Variants in GABRB1 observed in about 807,000 individuals in gnomAD.
The protein encoded by GABRB1 is gamma-aminobutyric acid receptor subunit beta-1.
In GABRB1, 17 loss-of-function variants were observed where a neutral mutation model predicts 51.6. The ratio of observed to expected loss-of-function variants is 0.33; its 90% CI spans 0.23 to 0.49. The LOEUF is 0.49. Among genes scored for constraint, GABRB1 ranks in the 20% least tolerant of loss-of-function variants. The probability of loss-of-function intolerance (pLI) is 0.99; values close to 1 mark genes in which losing one functional copy is unlikely to be tolerated. For synonymous variants in GABRB1, 247 were observed against 218.9 expected (o/e 1.13, Z -1.14); for missense variants, 410 against 600.6 (o/e 0.68, Z 3.32).
intron 4 of GABRB1, among the ~76,000 whole-genome samples, chr4:47,241,920 A>T (rs1258439242): frequency 6.6e-6 from 1 of 151,800 alleles, no homozygotes; most frequent in Non-Finnish European, 1.5e-5. Flanking sequence ...AAGTTCTAGG[A>T]TACATGTGCA....
intron 3 of GABRB1, among the ~76,000 whole-genome samples, chr4:47,077,903 TTTATATATA>T (rs1189386847): frequency 7.2e-6 from 1 of 138,040 alleles, no homozygotes; most frequent in Non-Finnish European, 1.5e-5. Context: ...TTATATGTAT[TTTATATATA>T]TTATATATTT....
chr4:47,255,621 T>A (rs1722169186), intron 4 of GABRB1, among the ~76,000 whole-genome samples: 1 of 152,214 alleles, frequency 6.6e-6, no homozygotes, highest in Non-Finnish European at 1.5e-5. Flanking sequence ...AGGGTGATGA[T>A]CGTGACCTAA....
chr4:47,056,676 G>A (rs1317472315), intron 3 of GABRB1, among the ~76,000 whole-genome samples: 2 of 151,820 alleles, frequency 1.3e-5, no homozygotes, highest in Non-Finnish European at 2.9e-5. Context: ...ACTCACAGAA[G>A]GGCTACAAAA....
chr4:47,349,352 A>G (rs1200526662), intron 5 of GABRB1, among the ~76,000 whole-genome samples: 1 of 152,174 alleles, frequency 6.6e-6, no homozygotes, highest in Non-Finnish European at 1.5e-5. Context: ...AGCCAGAGAA[A>G]TGGGAGGAAA....
chr4:47,042,872 C>T (rs1161436120), intron 3 of GABRB1, among the ~76,000 whole-genome samples: 1 of 151,882 alleles, frequency 6.6e-6, no homozygotes, highest in African/African-American at 2.4e-5. Flanking sequence ...TATACATATA[C>T]CTCATGTATA....
At chr4:47,274,389 C>T (rs1722993491) in intron 4 of GABRB1, among the ~76,000 whole-genome samples, 1 of 152,032 alleles carries the variant, frequency 6.6e-6, no homozygotes, top group Admixed American at 6.6e-5. Flanking sequence ...GACTTGAGGC[C>T]CGTTATTATT....
At chr4:47,143,991 T>C (rs912761130) in intron 3 of GABRB1, among the ~76,000 whole-genome samples, 3 of 151,960 alleles carry the variant, frequency 2.0e-5, no homozygotes, top group Non-Finnish European at 2.9e-5. Flanking sequence ...TAAATATATG[T>C]ATAAATACTT....
chr4:47,166,413 T>C (rs1036596889), intron 4 of GABRB1, among the ~76,000 whole-genome samples: 2 of 152,104 alleles, frequency 1.3e-5, no homozygotes, highest in Admixed American at 6.6e-5. Flanking sequence ...GTGAAGACTA[T>C]GAGGATGAAG....
chr4:47,008,176 C>G (rs549753558), intron 1 of GABRB1, among the ~76,000 whole-genome samples: 4 of 152,158 alleles, frequency 2.6e-5, no homozygotes, highest in Non-Finnish European at 5.9e-5. Flanking sequence ...GTCTTGGTTA[C>G]ATGCTTGAGT....
chr4:47,055,886 A>G (rs1301184491), intron 3 of GABRB1, among the ~76,000 whole-genome samples: 3 of 152,230 alleles, frequency 2.0e-5, no homozygotes, highest in African/African-American at 4.8e-5. Flanking sequence ...GTCCACTGAT[A>G]AGGCTTATTC....
At position 47,043,186 on chromosome 4, in the gene GABRB1, A is replaced by G. The variant is rs183646549; in HGVS notation, c.240+10702A>G. ...TCACGACAGAGGTTAATATTGGCCA[A>G]CTGAAAACTTCTGTCTTCATGTGGG... On this transcript the variant is annotated intron_variant, in intron 3 of 8. Coordinates refer to ENST00000295454, the MANE Select transcript of GABRB1 (RefSeq NM_000812.4). The G allele has an allele frequency of 7.9e-5, 12 of 152,200 alleles. No homozygotes were observed. In the East Asian group the frequency reaches 2.3e-3, roughly 29 times the overall value. The allele number at this position is 152,200 out of a possible 1,614,324, so 9.4% of individuals were successfully genotyped here. A position where few individuals can be genotyped will look rare whatever the true frequency, so the allele number is the denominator to read the frequency against.
chr4:47,254,369 T>TTTTTTTTTG (rs1722111347), intron 4 of GABRB1, among the ~76,000 whole-genome samples: 1 of 118,744 alleles, frequency 8.4e-6, no homozygotes, highest in African/African-American at 3.3e-5. Context: ...TTGTTTTTTT[T>TTTTTTTTTG]TTTTTTTTTT....
At chr4:47,337,340 T>C (rs1725735461) in intron 5 of GABRB1, among the ~76,000 whole-genome samples, 1 of 152,080 alleles carries the variant, frequency 6.6e-6, no homozygotes, top group African/African-American at 2.4e-5. Flanking sequence ...TTCAGAGAGC[T>C]GGTGGATAAG....
At chr4:47,315,860 G>A (rs888097275) in intron 4 of GABRB1, among the ~76,000 whole-genome samples, 2 of 151,588 alleles carry the variant, frequency 1.3e-5, no homozygotes, top group African/African-American at 2.4e-5. Context: ...CACAAAGAAG[G>A]AAAAACAGTC....
chr4:47,264,252 T>C (rs1394718546), intron 4 of GABRB1, among the ~76,000 whole-genome samples: 1 of 152,176 alleles, frequency 6.6e-6, no homozygotes, highest in East Asian at 1.9e-4. Flanking sequence ...TATTTTTTCC[T>C]ACAATGTTTG....
chr4:47,104,756 T>C (rs565464263), intron 3 of GABRB1, among the ~76,000 whole-genome samples: 10 of 152,194 alleles, frequency 6.6e-5, no homozygotes, highest in African/African-American at 2.4e-4. Flanking sequence ...CTTACTATGC[T>C]TTCCATATCT....
intron 1 of GABRB1, chr4:46,993,942 G>C (rs1723883717): frequency 6.4e-6 from 1 of 155,754 alleles, no homozygotes. Context: ...GCGAGGACCT[G>C]TTTGTACCCA....
chr4:47,243,922 T>G (rs1476952326), intron 4 of GABRB1, among the ~76,000 whole-genome samples: 2 of 152,206 alleles, frequency 1.3e-5, no homozygotes, highest in Admixed American at 6.5e-5. Flanking sequence ...AACTCTATGT[T>G]GAATAGGATT....
At chr4:47,424,467 T>C (rs1729199888) in intron 8 of GABRB1, among the ~76,000 whole-genome samples, 1 of 152,236 alleles carries the variant, frequency 6.6e-6, no homozygotes, top group African/African-American at 2.4e-5. Context: ...CATCATGTGC[T>C]ATCTATCCTC....
Sources: allele counts gnomAD v4.1 joint callset (sites outside exome capture counted in the v4.1 genomes callset), GRCh38; gene constraint gnomAD v4.1.1; transcripts MANE v1.5; gene names NCBI Gene and HGNC (gene_info 2026-07-23, HGNC 2026-07-21).